LPP: variants seen among roughly 807,000 people sequenced by gnomAD.
The protein encoded by LPP is lipoma-preferred partner.
In LPP, 38 loss-of-function variants were observed where a neutral mutation model predicts 60.4. The ratio of observed to expected loss-of-function variants is 0.63; its 90% CI spans 0.49 to 0.83. The LOEUF (loss-of-function observed/expected upper bound fraction) is 0.83, where lower values mean the gene tolerates loss of function less well. Among genes scored for constraint, LPP ranks in the 40% least tolerant of loss-of-function variants. The probability of loss-of-function intolerance (pLI) is 0.00; values close to 1 mark genes in which losing one functional copy is unlikely to be tolerated. For synonymous variants in LPP, 328 were observed against 290.8 expected (o/e 1.13, Z -1.30); for missense variants, 902 against 783.6 (o/e 1.15, Z -1.80).
chr3:188,291,645 CAAAA>C (rs34001206), intron 2 of LPP, among the ~76,000 whole-genome samples: 1 of 96,778 alleles, frequency 1.0e-5, no homozygotes, highest in Non-Finnish European at 1.9e-5. Context: ...GACTCTGTCT[CAAAA>C]AAAAAAAAAA....
At chr3:188,750,750 T>C (rs1012744048) in intron 8 of LPP, among the ~76,000 whole-genome samples, 3 of 152,200 alleles carry the variant, frequency 2.0e-5, no homozygotes, top group African/African-American at 7.2e-5. Context: ...GAAAACCTAA[T>C]GTTCTTTACA....
At chr3:188,215,328 G>A (rs1222815510) in intron 1 of LPP, among the ~76,000 whole-genome samples, 4 of 151,736 alleles carry the variant, frequency 2.6e-5, no homozygotes, top group African/African-American at 9.7e-5. Context: ...AAAAAAAAGA[G>A]TACAGTTCAG....
At chr3:188,669,032 C>G (rs1425151928) in intron 7 of LPP, among the ~76,000 whole-genome samples, 1 of 152,026 alleles carries the variant, frequency 6.6e-6, no homozygotes, top group East Asian at 1.9e-4. Flanking sequence ...AGCACGGGCT[C>G]ATCAAAATCT....
intron 2 of LPP, among the ~76,000 whole-genome samples, chr3:188,260,534 G>A (rs528377098): frequency 7.2e-5 from 11 of 152,028 alleles, no homozygotes; most frequent in South Asian, 4.1e-4. Flanking sequence ...GATAGAAATT[G>A]TCACTATTGT....
intron 4 of LPP, among the ~76,000 whole-genome samples, chr3:188,431,180 AT>A (rs1441702979): frequency 6.6e-6 from 1 of 152,178 alleles, no homozygotes; most frequent in African/African-American, 2.4e-5. Context: ...TTGAGAACAC[AT>A]CTGAGAAACT....
intron 3 of LPP, among the ~76,000 whole-genome samples, chr3:188,389,762 T>G (rs1578541686): frequency 1.2e-5 from 1 of 83,892 alleles, no homozygotes; most frequent in Non-Finnish European, 2.1e-5. Context: ...GGCAACAGAG[T>G]GGGACTCCGT....
chr3:188,517,877 A>T (rs1219397324), intron 5 of LPP, among the ~76,000 whole-genome samples: 1 of 152,188 alleles, frequency 6.6e-6, no homozygotes, highest in Non-Finnish European at 1.5e-5. Context: ...GCAAAACTGT[A>T]TCAGTGACCT....
At position 188,522,402 on chromosome 3, in the gene LPP, A is replaced by G. The variant is rs188475916; in HGVS notation, c.307-2263A>G. Among the ~76,000 whole-genome samples, 383 of 152,290 alleles carry G rather than the reference A, an allele frequency of 2.5e-3. 4 individuals are homozygous for G. The highest frequency in any genetic ancestry group is 8.1e-3 in the South Asian group (39 of 4,824). ...TGGTTCCGTTTTTATATCAAATTCT[A>G]GAGTATCCACTGCTTATTGTTGTAC... On this transcript the variant is annotated intron_variant, in intron 5 of 11. Coordinates refer to ENST00000617246, the MANE Select transcript of LPP (RefSeq NM_001375462.1).
intron 4 of LPP, among the ~76,000 whole-genome samples, chr3:188,428,554 G>A (rs1054517151): frequency 6.7e-6 from 1 of 149,626 alleles, no homozygotes; most frequent in Non-Finnish European, 1.5e-5. Context: ...CTCAAGTATT[G>A]TAATGTAATT....
intron 2 of LPP, among the ~76,000 whole-genome samples, chr3:188,276,723 C>T (rs1317822086): frequency 2.1e-5 from 3 of 144,914 alleles, no homozygotes; most frequent in African/African-American, 2.6e-5. Context: ...CTCTCTCTCT[C>T]TGTCTGTCCT....
At chr3:188,447,871 A>G (rs1795638687) in intron 4 of LPP, among the ~76,000 whole-genome samples, 2 of 152,002 alleles carry the variant, frequency 1.3e-5, no homozygotes, top group South Asian at 4.1e-4. Flanking sequence ...CATCAGTGCT[A>G]TTTCTATTTT....
rs117338661 is a variant in LPP at position 188,658,059 on chromosome 3, C to T, written c.1113+48215C>T. On this transcript the variant is annotated intron_variant, in intron 7 of 11. Coordinates refer to ENST00000617246, the MANE Select transcript of LPP (RefSeq NM_001375462.1). Reference sequence around the variant, plus strand: ...TCAATCAACACAGTGACAGTGACAACGAATGAGTAACCAGTGTTTTGTTTT... The same window carrying T: ...TCAATCAACACAGTGACAGTGACAATGAATGAGTAACCAGTGTTTTGTTTT... Among the ~76,000 whole-genome samples the T allele has an allele frequency of 3.2e-4, 47 of 148,030 alleles. No individual in the cohort carries two copies. In the East Asian group the frequency reaches 8.4e-3, roughly 27 times the overall value.
At position 188,414,669 on chromosome 3, in the gene LPP, G is replaced by T. The variant is rs570808138; in HGVS notation, c.193+8356G>T. On this transcript the variant is annotated intron_variant, in intron 4 of 11. Coordinates refer to ENST00000617246, the MANE Select transcript of LPP (RefSeq NM_001375462.1). ...CCCCTTTCTTTCCTAGATGAGAATAGTTGAGAATGTATTCACTAATACATT... is the reference window on the plus strand; with the variant it reads ...CCCCTTTCTTTCCTAGATGAGAATATTTGAGAATGTATTCACTAATACATT... Among the ~76,000 whole-genome samples, 27 of 152,204 alleles carry T rather than the reference G, an allele frequency of 1.8e-4. 1 individual carries two copies. Among genetic ancestry groups the T allele is most frequent in the African/African-American group, 6.5e-4 (27 of 41,536 alleles).
At chr3:188,746,915 C>A (rs780448375) in intron 8 of LPP, among the ~76,000 whole-genome samples, 1 of 152,080 alleles carries the variant, frequency 6.6e-6, no homozygotes, top group Non-Finnish European at 1.5e-5. Context: ...GAAGGGCTGC[C>A]CAGAAACCAC....
chr3:188,552,908 CT>C (rs1324305989), intron 6 of LPP, among the ~76,000 whole-genome samples: 2 of 152,128 alleles, frequency 1.3e-5, no homozygotes, highest in Non-Finnish European at 2.9e-5. Context: ...GTGGGGAGGG[CT>C]GTTCTTATGC....
At chr3:188,199,114 C>A (rs2149069361) in intron 1 of LPP, among the ~76,000 whole-genome samples, 1 of 152,242 alleles carries the variant, frequency 6.6e-6, no homozygotes, top group Admixed American at 6.5e-5. Flanking sequence ...TTAACCAGGC[C>A]TGTTGGTCAG....
intron 9 of LPP, among the ~76,000 whole-genome samples, chr3:188,818,541 G>A (rs1308452389): frequency 6.6e-6 from 1 of 152,122 alleles, no homozygotes; most frequent in Non-Finnish European, 1.5e-5. Flanking sequence ...CTAAGGCCCT[G>A]CAAAAATATA....
In LPP at chr3:188,241,203, T is replaced by C. The variant is rs143508832; in HGVS notation, c.-67+15676T>C. 5.0e-3 allele frequency among the ~76,000 whole-genome samples: 762 copies of C among 152,290 alleles called. 3 individuals carry two copies. The highest frequency in any genetic ancestry group is 0.017 in the African/African-American group (708 of 41,566). On this transcript the variant is annotated intron_variant, in intron 2 of 11. Transcript: ENST00000617246. ...TGGTGGGTATGGATAGAACTACTGA[T>C]ATAGCATGAATCCAACCTGCTGTTA... is the stretch of plus-strand genomic sequence containing the variant.
At chr3:188,380,979 C>A (rs1310885271) in intron 3 of LPP, among the ~76,000 whole-genome samples, 1 of 152,186 alleles carries the variant, frequency 6.6e-6, no homozygotes, top group Non-Finnish European at 1.5e-5. Context: ...AGATTCAGAC[C>A]CTGGACTCTA....
Sources: allele counts gnomAD v4.1 joint callset (sites outside exome capture counted in the v4.1 genomes callset), GRCh38; gene constraint gnomAD v4.1.1; transcripts MANE v1.5; gene names NCBI Gene and HGNC (gene_info 2026-07-23, HGNC 2026-07-21).